Variants in ATG7 observed in about 807,000 individuals in gnomAD.
ATG7 encodes the protein ubiquitin-like modifier-activating enzyme ATG7.
A neutral mutation model predicts 82.4 loss-of-function variants in ATG7; 70 were observed. The observed-to-expected ratio is 0.85, with a 90% CI of 0.70 to 1.04. The LOEUF (loss-of-function observed/expected upper bound fraction) is 1.04, where lower values mean the gene tolerates loss of function less well. Ranked by LOEUF, ATG7 falls within the 50% of genes least tolerant of loss-of-function variation. ATG7 has a pLI of 0.00. For missense variants in ATG7, 792 were observed against 864.3 expected, an observed-to-expected ratio of 0.92 and a Z score of 1.05; for synonymous variants, 287 against 313.0, an observed-to-expected ratio of 0.92 and a Z score of 0.88.
intron 20 of ATG7, among the ~76,000 whole-genome samples, chr3:11,466,239 G>C (rs1019495524): frequency 1.7e-4 from 26 of 152,202 alleles, no homozygotes; most frequent in African/African-American, 6.0e-4. Context: ...CTTGCCAGGG[G>C]CTTGAAGGAT....
At chr3:11,542,135 C>A (rs140183559) in intron 20 of ATG7, among the ~76,000 whole-genome samples, 6 of 152,384 alleles carry the variant, frequency 3.9e-5, no homozygotes, top group Middle Eastern at 3.4e-3. Context: ...GGAGCCACTG[C>A]TCTTGAAACC....
At chr3:11,486,842 ATTT>A (rs2089728002) in intron 20 of ATG7, among the ~76,000 whole-genome samples, 1 of 113,448 alleles carries the variant, frequency 8.8e-6, no homozygotes, top group African/African-American at 3.9e-5. Context: ...TTTTTTTTTA[ATTT>A]ATTTTTTTAT....
intron 19 of ATG7, among the ~76,000 whole-genome samples, chr3:11,388,718 G>C (rs551958321): frequency 1.3e-5 from 2 of 151,730 alleles, no homozygotes; most frequent in Non-Finnish European, 2.9e-5. Context: ...GTGAGCCACT[G>C]CGCCAGGCCC....
At chr3:11,477,374 CT>C in intron 20 of ATG7, 1 of 990,764 alleles carries the variant, frequency 1.0e-6, no homozygotes. Context: ...TCTCCATGTG[CT>C]GTGAAATGCT....
At position 11,556,975 on chromosome 3, in the gene ATG7, C is replaced by G. The variant is rs2072482913; in HGVS notation, c.*2132C>G. ...GACCTTTTCACCCAGTGCCAATTTC[C>G]AAAATTCAACAGCTAAAAACTGTAA... On this transcript the variant is annotated 3_prime_UTR_variant, in exon 21 of 21. Coordinates refer to ENST00000693202, the MANE Select transcript of ATG7 (RefSeq NM_001349232.2). The G allele has an allele frequency of 6.6e-6, 1 of 152,596 alleles. No homozygotes were observed. The highest frequency in any genetic ancestry group is 2.1e-4 in the South Asian group (1 of 4,834). The allele number at this position is 152,596 out of a possible 1,614,324, so 9.5% of individuals were successfully genotyped here.
chr3:11,538,711 C>CAA (rs1393041007), intron 20 of ATG7, among the ~76,000 whole-genome samples: 12 of 108,964 alleles, frequency 1.1e-4, no homozygotes, highest in African/African-American at 4.8e-4. Context: ...AAAAAATTAG[C>CAA]CAAAAAAAAA....
chr3:11,491,343 CTGTATTGGTT>C (rs1451005533), intron 20 of ATG7, among the ~76,000 whole-genome samples: 2 of 152,162 alleles, frequency 1.3e-5, no homozygotes, highest in African/African-American at 4.8e-5. Flanking sequence ...AAGCACTTCT[CTGTATTGGTT>C]ATTCTAGTTA....
downstream of ATG7, among the ~76,000 whole-genome samples, chr3:11,559,083 A>G (rs2072717217): frequency 1.3e-5 from 2 of 152,266 alleles, no homozygotes; most frequent in Admixed American, 1.3e-4. Flanking sequence ...TTTAAATAAC[A>G]GTAGCCGCTG....
intron 18 of ATG7, among the ~76,000 whole-genome samples, chr3:11,377,062 A>G (rs994686668): frequency 6.6e-6 from 1 of 152,128 alleles, no homozygotes; most frequent in Admixed American, 6.5e-5. Context: ...TTTGTCAGCT[A>G]TAGGGAGTGG....
At chr3:11,562,970 A>C in the ATG7 span, among the ~76,000 whole-genome samples, 1 of 152,258 alleles carries the variant, frequency 6.6e-6, no homozygotes, top group African/African-American at 2.4e-5. Context: ...GGCCCATTCC[A>C]GGCTGGGGAG....
intron 19 of ATG7, among the ~76,000 whole-genome samples, chr3:11,404,125 A>ATT (rs10591303): frequency 0.077 from 5,876 of 76,802 alleles, 380 homozygotes; most frequent in Middle Eastern, 0.11. Context: ...AACCAGCTCA[A>ATT]TTTTTTTTTT....
At chr3:11,343,721 T>C (rs949436766) in intron 13 of ATG7, among the ~76,000 whole-genome samples, 2 of 152,208 alleles carry the variant, frequency 1.3e-5, no homozygotes, top group East Asian at 1.9e-4. Flanking sequence ...TTAGTTGTTT[T>C]AATGGCATTT....
At chr3:11,425,702 A>G (rs912446819) in intron 19 of ATG7, among the ~76,000 whole-genome samples, 7 of 152,170 alleles carry the variant, frequency 4.6e-5, no homozygotes, top group African/African-American at 9.7e-5. Context: ...AAAAAAACAC[A>G]TAAGTCTTCT....
chr3:11,464,969 G>GT (rs1340270497), intron 20 of ATG7, among the ~76,000 whole-genome samples: 4 of 152,138 alleles, frequency 2.6e-5, no homozygotes, highest in African/African-American at 9.7e-5. Context: ...ACACTCAACA[G>GT]ATGCCACATC....
intron 18 of ATG7, among the ~76,000 whole-genome samples, chr3:11,379,029 C>T (rs964253458): frequency 3.9e-5 from 6 of 152,034 alleles, no homozygotes; most frequent in Non-Finnish European, 8.8e-5. Flanking sequence ...CAGAGAAGCT[C>T]AGGCCGGGGG....
At chr3:11,550,287 G>A (rs2071653379) in intron 20 of ATG7, among the ~76,000 whole-genome samples, 1 of 151,288 alleles carries the variant, frequency 6.6e-6, no homozygotes, top group Non-Finnish European at 1.5e-5. Context: ...ATTATGAGTA[G>A]GGCTGTGCAT....
intron 20 of ATG7, among the ~76,000 whole-genome samples, chr3:11,479,049 C>G (rs2088620047): frequency 6.8e-6 from 1 of 146,226 alleles, no homozygotes; most frequent in South Asian, 2.2e-4. Context: ...CAATTTTTTA[C>G]TTTGTGGATA....
intron 20 of ATG7, among the ~76,000 whole-genome samples, chr3:11,526,171 G>A (rs1294664074): frequency 2.0e-5 from 3 of 151,982 alleles, no homozygotes; most frequent in South Asian, 2.1e-4. Context: ...TGGTCAGATC[G>A]CTTGAGCTCA....
chr3:11,529,219 A>C (rs73123022), intron 20 of ATG7, among the ~76,000 whole-genome samples: 2,271 of 152,226 alleles, frequency 0.015, 40 homozygotes, highest in East Asian at 0.075. Context: ...AAGAGTTGGG[A>C]GTTTGCTTTG....
Sources: gnomAD v4.1 joint callset for allele counts (sites outside exome capture counted in the v4.1 genomes callset) on GRCh38, gnomAD v4.1.1 for gene constraint, MANE v1.5 for transcripts, NCBI Gene and HGNC (gene_info 2026-07-23, HGNC 2026-07-21) for gene names.